NCAM2: variants seen among roughly 807,000 people sequenced by gnomAD.
NCAM2 encodes the protein N-CAM-2.
Under a neutral mutation model 98.1 loss-of-function variants are expected in NCAM2, and 30 were observed. The ratio of observed to expected loss-of-function variants is 0.31; its 90% CI spans 0.23 to 0.41. The LOEUF (loss-of-function observed/expected upper bound fraction) is 0.41. NCAM2 is among the 10% of genes least tolerant of loss of function. The probability of loss-of-function intolerance (pLI) is 1.00; values close to 1 mark genes in which losing one functional copy is unlikely to be tolerated. For synonymous variants in NCAM2, 368 were observed against 342.4 expected (o/e 1.07, Z -0.83); for missense variants, 867 against 1,005.8 (o/e 0.86, Z 1.87).
intron 1 of NCAM2, among the ~76,000 whole-genome samples, chr21:21,054,233 T>C (rs757490243): frequency 2.0e-5 from 3 of 152,028 alleles, no homozygotes; most frequent in Non-Finnish European, 2.9e-5. Context: ...ATGTTACATA[T>C]TAGGAACCTA....
At chr21:21,000,203 T>C (rs1316425204) in intron 1 of NCAM2, among the ~76,000 whole-genome samples, 1 of 152,220 alleles carries the variant, frequency 6.6e-6, no homozygotes, top group Non-Finnish European at 1.5e-5. Context: ...ACTGTTCATT[T>C]ATAGCATAGA....
chr21:21,350,947 A>G (rs2897842), intron 8 of NCAM2, among the ~76,000 whole-genome samples: 77,222 of 140,610 alleles, frequency 0.55, 21,615 homozygotes, highest in African/African-American at 0.61. Flanking sequence ...AAAAAAAAAA[A>G]AGGAGAGAAA....
intron 1 of NCAM2, among the ~76,000 whole-genome samples, chr21:21,264,945 A>ATGTATATATACACATATATAT (rs2072091745): frequency 3.6e-4 from 4 of 11,024 alleles, no homozygotes; most frequent in South Asian, 3.0e-3. Context: ...ATGTGTGTGT[A>ATGTATATATACACATATATAT]TATATATGTG....
At chr21:21,128,244 GT>G (rs71195303) in intron 1 of NCAM2, among the ~76,000 whole-genome samples, 145,500 of 149,976 alleles carry the variant, frequency 0.97, 70,679 homozygotes, top group East Asian at 1. Flanking sequence ...ATTTGTGAGG[GT>G]TTTTTTTTTT....
At chr21:21,408,409 C>T (rs1299587683) in intron 9 of NCAM2, among the ~76,000 whole-genome samples, 4 of 152,082 alleles carry the variant, frequency 2.6e-5, no homozygotes, top group African/African-American at 9.7e-5. Flanking sequence ...AATAATAGTG[C>T]ATTAAAAGTC....
intron 1 of NCAM2, among the ~76,000 whole-genome samples, chr21:21,065,195 CAAAA>C (rs1164940664): frequency 6.6e-6 from 1 of 151,386 alleles, no homozygotes; most frequent in African/African-American, 2.4e-5. Context: ...AAACAAAAAA[CAAAA>C]AACAAAAAAA....
At chr21:21,085,529 G>A (rs2065890387) in intron 1 of NCAM2, among the ~76,000 whole-genome samples, 1 of 152,068 alleles carries the variant, frequency 6.6e-6, no homozygotes, top group African/African-American at 2.4e-5. Context: ...TGAGCCAAAG[G>A]CTGCTGTTCA....
At chr21:21,142,082 T>C (rs1458785876) in intron 1 of NCAM2, among the ~76,000 whole-genome samples, 1 of 152,180 alleles carries the variant, frequency 6.6e-6, no homozygotes, top group Admixed American at 6.5e-5. Context: ...TGATCTCCTT[T>C]CTTCTGGTTT....
intron 16 of NCAM2, among the ~76,000 whole-genome samples, chr21:21,513,823 A>G (rs543839691): frequency 6.6e-6 from 1 of 152,208 alleles, no homozygotes; most frequent in East Asian, 1.9e-4. Flanking sequence ...TTTTATTAGG[A>G]TCTTTCTCTC....
chr21:21,461,162 C>A (rs112913670), intron 12 of NCAM2, among the ~76,000 whole-genome samples: 2 of 151,674 alleles, frequency 1.3e-5, no homozygotes, highest in African/African-American at 4.8e-5. Flanking sequence ...CTTGAAAAAA[C>A]GTCAGTTGAA....
chr21:21,499,001 C>T (rs914773028), intron 15 of NCAM2, among the ~76,000 whole-genome samples: 37 of 152,134 alleles, frequency 2.4e-4, no homozygotes, highest in African/African-American at 8.4e-4. Context: ...TATGGACTTC[C>T]TCCATCTTCA....
At chr21:21,245,595 C>G (rs958210630) in intron 1 of NCAM2, among the ~76,000 whole-genome samples, 1 of 152,152 alleles carries the variant, frequency 6.6e-6, no homozygotes, top group Non-Finnish European at 1.5e-5. Context: ...CTTCTTTGGA[C>G]CCAAATTGCC....
At chr21:21,187,059 G>A (rs185584430) in intron 1 of NCAM2, among the ~76,000 whole-genome samples, 13 of 151,960 alleles carry the variant, frequency 8.6e-5, no homozygotes, top group East Asian at 5.8e-4. Context: ...GTGAAACCCC[G>A]TCTCTATTAA....
At chr21:21,142,074 A>T (rs1721506660) in intron 1 of NCAM2, among the ~76,000 whole-genome samples, 1 of 152,150 alleles carries the variant, frequency 6.6e-6, no homozygotes. Context: ...TTACATCTTG[A>T]TCTCCTTTCT....
chr21:21,523,827 C>A, intron 16 of NCAM2, among the ~76,000 whole-genome samples: 1 of 151,736 alleles, frequency 6.6e-6, no homozygotes, highest in African/African-American at 2.4e-5. Flanking sequence ...ATATAAAATG[C>A]TCAATTGAAA....
intron 8 of NCAM2, among the ~76,000 whole-genome samples, chr21:21,365,238 C>CGTGTGTGTGTGT (rs66559489): frequency 0.055 from 8,075 of 146,904 alleles, 272 homozygotes; most frequent in Non-Finnish European, 0.071. Flanking sequence ...TTGCTTAGTG[C>CGTGTGTGTGTGT]GTGTGTGTGT....
At chr21:21,076,487 A>G (rs1489867768) in intron 1 of NCAM2, among the ~76,000 whole-genome samples, 1 of 152,114 alleles carries the variant, frequency 6.6e-6, no homozygotes, top group South Asian at 2.1e-4. Flanking sequence ...AAAGATCTTT[A>G]TAGTTCTGTC....
At chr21:21,418,724 G>A (rs952786286) in intron 11 of NCAM2, among the ~76,000 whole-genome samples, 155 bp downstream of exon 11, 2 of 152,234 alleles carry the variant, frequency 1.3e-5, no homozygotes, top group East Asian at 3.9e-4. Context: ...AGGCTTGGTA[G>A]TATATTGGGA....
intron 1 of NCAM2, among the ~76,000 whole-genome samples, chr21:21,257,090 T>A (rs575883859): frequency 1.1e-4 from 17 of 152,338 alleles, no homozygotes; most frequent in African/African-American, 4.1e-4. Context: ...TGTTCTGGGC[T>A]TTCAGAATGT....
Sources: gnomAD v4.1 joint callset for allele counts (sites outside exome capture counted in the v4.1 genomes callset) on GRCh38, gnomAD v4.1.1 for gene constraint, MANE v1.5 for transcripts, NCBI Gene and HGNC (gene_info 2026-07-23, HGNC 2026-07-21) for gene names.